DCC: variants seen among roughly 807,000 people sequenced by gnomAD.
DCC encodes the protein netrin receptor DCC.
DCC carries 58 observed loss-of-function variants against 172.5 expected under a neutral mutation model. The observed-to-expected ratio is 0.34, with a 90% CI of 0.27 to 0.42. The LOEUF (loss-of-function observed/expected upper bound fraction) is 0.42. Among genes scored for constraint, DCC ranks in the 10% least tolerant of loss-of-function variants. The pLI, the probability that DCC is intolerant of heterozygous loss-of-function variation, is 1.00. For synonymous variants in DCC, 709 were observed against 644.5 expected, an observed-to-expected ratio of 1.10 and a Z score of -1.52; for missense variants, 1,740 against 1,791.0, an observed-to-expected ratio of 0.97 and a Z score of 0.51.
chr18:53,509,042 CTTGCTCCTCACAATGGACCAA>C (rs1285595705), intron 27 of DCC, among the ~76,000 whole-genome samples: 2 of 152,190 alleles, frequency 1.3e-5, no homozygotes, highest in Non-Finnish European at 2.9e-5. Flanking sequence ...CATCTCCCGA[CTTGCTCCTCACAATGGACCAA>C]TTTAATGTGA....
At chr18:53,324,338 A>G (rs1183444643) in intron 14 of DCC, among the ~76,000 whole-genome samples, 2 of 152,200 alleles carry the variant, frequency 1.3e-5, no homozygotes, top group Non-Finnish European at 2.9e-5. Flanking sequence ...TACATTTCTT[A>G]TTAAAGGTCT....
chr18:52,526,883 T>C (rs530867225), intron 1 of DCC, among the ~76,000 whole-genome samples: 1 of 152,318 alleles, frequency 6.6e-6, no homozygotes, highest in East Asian at 1.9e-4. Context: ...CTCTCTGTAT[T>C]AATCTCATGG....
chr18:53,079,917 A>G (rs927466529), intron 7 of DCC, among the ~76,000 whole-genome samples: 6 of 152,152 alleles, frequency 3.9e-5, no homozygotes, highest in African/African-American at 1.4e-4. Flanking sequence ...TGGATCACAG[A>G]GTATCTTTTA....
chr18:53,283,730 A>G (rs1207930040), intron 12 of DCC, among the ~76,000 whole-genome samples: 2 of 152,226 alleles, frequency 1.3e-5, no homozygotes, highest in Admixed American at 1.3e-4. Context: ...AAGAACATGT[A>G]TATATTTCAA....
intron 5 of DCC, among the ~76,000 whole-genome samples, chr18:53,051,379 T>A (rs2042332715): frequency 6.6e-6 from 1 of 152,122 alleles, no homozygotes; most frequent in Non-Finnish European, 1.5e-5. Flanking sequence ...AAAGTATTTG[T>A]TTCACCCTGT....
chr18:52,747,902 C>T (rs928906535), intron 1 of DCC, among the ~76,000 whole-genome samples: 4 of 152,198 alleles, frequency 2.6e-5, no homozygotes, highest in African/African-American at 4.8e-5. Context: ...CCTAATGACA[C>T]GGTATTTTTC....
intron 1 of DCC, among the ~76,000 whole-genome samples, chr18:52,634,949 T>C (rs1470439014): frequency 1.3e-5 from 2 of 152,190 alleles, no homozygotes; most frequent in African/African-American, 4.8e-5. Context: ...AGTGTAAGAT[T>C]TAGCTCTATT....
chr18:52,398,123 C>T (rs773059895), intron 1 of DCC, among the ~76,000 whole-genome samples: 4 of 116,516 alleles, frequency 3.4e-5, no homozygotes, highest in East Asian at 2.0e-4. Flanking sequence ...TTAACTTTGA[C>T]GGTACATACA....
chr18:52,403,282 G>A, intron 1 of DCC, among the ~76,000 whole-genome samples: 1 of 152,054 alleles, frequency 6.6e-6, no homozygotes, highest in East Asian at 1.9e-4. Context: ...ATTTGTCTTT[G>A]TTGTTGTCTT....
chr18:52,767,900 G>T (rs2145160267), intron 2 of DCC, among the ~76,000 whole-genome samples: 1 of 152,284 alleles, frequency 6.6e-6, no homozygotes, highest in East Asian at 1.9e-4. Context: ...TGCCTCCCCA[G>T]TAAGCATGTT....
intron 25 of DCC, among the ~76,000 whole-genome samples, chr18:53,477,687 TCA>T (rs927122428): frequency 6.6e-6 from 1 of 152,212 alleles, no homozygotes; most frequent in African/African-American, 2.4e-5. Flanking sequence ...CTCTTAAAAC[TCA>T]CAGAGAAAAT....
chr18:52,842,209 G>A (rs892330175), intron 2 of DCC, among the ~76,000 whole-genome samples: 3 of 152,006 alleles, frequency 2.0e-5, no homozygotes, highest in African/African-American at 7.3e-5. Context: ...AGTTTAGTAA[G>A]GGAAAGTAAA....
intron 15 of DCC, among the ~76,000 whole-genome samples, chr18:53,368,250 C>G (rs1334213284): frequency 1.3e-5 from 2 of 152,060 alleles, no homozygotes; most frequent in African/African-American, 2.4e-5. Flanking sequence ...GGAGAAGTGT[C>G]TATTCATGTC....
At chr18:52,979,667 C>CCT (rs1568224888) in intron 5 of DCC, among the ~76,000 whole-genome samples, 2 of 152,138 alleles carry the variant, frequency 1.3e-5, no homozygotes, top group Non-Finnish European at 2.9e-5. Context: ...TTCAGAGTTA[C>CCT]CCATGAGGAG....
chr18:53,195,279 A>G (rs941676851), intron 9 of DCC, among the ~76,000 whole-genome samples: 3 of 152,204 alleles, frequency 2.0e-5, no homozygotes, highest in African/African-American at 7.2e-5. Flanking sequence ...TTGACAATTC[A>G]TTTGAAAATT....
rs1202896480 is a variant in DCC at position 53,066,353 on chromosome 18, G to GTATGTATA, written c.1261+190_1261+191insGTATATAT. Among the ~76,000 whole-genome samples the GTATGTATA allele has an allele frequency of 7.1e-3, 665 of 94,122 alleles. 6 individuals are homozygous for GTATGTATA. The highest frequency in any genetic ancestry group is 0.012 in the Non-Finnish European group (525 of 44,510). The allele number at this position is 94,122 out of a possible 152,430, so 61.7% of individuals were successfully genotyped here. ...TAGAAAATTGTGTGTGTACATGTGT[G>GTATGTATA]TATATATATATATATATATATATAT... On this transcript the variant is annotated intron_variant, in intron 7 of 28. Transcript: ENST00000442544.
chr18:53,396,814 C>A (rs540591680), intron 17 of DCC, among the ~76,000 whole-genome samples: 18 of 152,052 alleles, frequency 1.2e-4, no homozygotes, highest in Admixed American at 3.3e-4. Flanking sequence ...GCCAAAAAAA[C>A]CACAGATTTT....
intron 5 of DCC, among the ~76,000 whole-genome samples, chr18:52,997,241 C>T (rs1245162580): frequency 6.6e-6 from 1 of 152,114 alleles, no homozygotes; most frequent in South Asian, 2.1e-4. Flanking sequence ...GGAGCTGTCT[C>T]TGACAGATAT....
Position 53,393,822 on chromosome 18 carries a change from C to T in DCC, c.2688+1935C>T, listed in dbSNP as rs187022677. 2.0e-5 allele frequency among the ~76,000 whole-genome samples: 3 copies of T among 152,034 alleles called. No individual in the cohort carries two copies. In the East Asian group the frequency reaches 5.8e-4, roughly 29 times the overall value. On this transcript the variant is annotated intron_variant, in intron 17 of 28. Coordinates refer to ENST00000442544, the MANE Select transcript of DCC (RefSeq NM_005215.4). ...CAAAGAGTGCCTGTGAGGTGAGACT[C>T]AGCCCAAAAAGATTTTAACTGTTCC...
Sources: gnomAD v4.1 joint callset for allele counts (sites outside exome capture counted in the v4.1 genomes callset) on GRCh38, gnomAD v4.1.1 for gene constraint, MANE v1.5 for transcripts, NCBI Gene and HGNC (gene_info 2026-07-23, HGNC 2026-07-21) for gene names.